MGAT4C: variants seen among roughly 807,000 people sequenced by gnomAD.
The protein encoded by MGAT4C is alpha-1,3-mannosyl-glycoprotein 4-beta-N-acetylglucosaminyltransferase C.
Under a neutral mutation model 40.1 loss-of-function variants are expected in MGAT4C, and 19 were observed. The observed-to-expected ratio is 0.47, with a 90% CI of 0.33 to 0.70. The LOEUF (loss-of-function observed/expected upper bound fraction) is 0.70. MGAT4C is among the 30% of genes least tolerant of loss of function. The probability of loss-of-function intolerance (pLI) is 0.02; values close to 1 mark genes in which losing one functional copy is unlikely to be tolerated. For synonymous variants in MGAT4C, 181 were observed against 187.1 expected (o/e 0.97, Z 0.27); for missense variants, 491 against 563.2 (o/e 0.87, Z 1.30).
At chr12:86,388,405 G>A (rs1956099452) in intron 3 of MGAT4C, among the ~76,000 whole-genome samples, 1 of 152,010 alleles carries the variant, frequency 6.6e-6, no homozygotes, top group Non-Finnish European at 1.5e-5. Context: ...GTTGGAATGA[G>A]AAGTTAGCTC....
rs141018154 is a variant in MGAT4C, at chr12:85,958,599, A to G, written c.*20690T>C. ...ACTAGAAAGCACCAAGTTATTTGTT[A>G]AATAAACAAAGTTAATTTTATCTAC... On this transcript the variant is annotated 3_prime_UTR_variant, in exon 5 of 5. Transcript: ENST00000611864. 3.3e-5 allele frequency: 5 copies of G among 152,282 alleles called. No individual in the cohort carries two copies. The East Asian group carries it at 9.7e-4, about 29-fold the overall frequency. 9.4% of individuals were successfully genotyped at this position (152,282 alleles called of 1,614,324 possible).
At chr12:86,655,555 A>G (rs1963825970) in intron 2 of MGAT4C, among the ~76,000 whole-genome samples, 1 of 152,104 alleles carries the variant, frequency 6.6e-6, no homozygotes, top group African/African-American at 2.4e-5. Context: ...TGAATGCCAT[A>G]TTCAATGAAA....
intron 3 of MGAT4C, among the ~76,000 whole-genome samples, chr12:86,366,835 A>G (rs1955608524): frequency 6.6e-6 from 1 of 152,164 alleles, no homozygotes; most frequent in East Asian, 1.9e-4. Flanking sequence ...GTAGCAGACT[A>G]AAGGAGAAAC....
intron 1 of MGAT4C, among the ~76,000 whole-genome samples, chr12:86,184,760 A>C (rs80162246): frequency 0.076 from 11,404 of 149,720 alleles, 563 homozygotes; most frequent in Middle Eastern, 0.22. Context: ...AAAAAAAAAA[A>C]AAAACTATGG....
At chr12:86,701,835 C>T (rs1030897713) in intron 2 of MGAT4C, among the ~76,000 whole-genome samples, 1 of 152,010 alleles carries the variant, frequency 6.6e-6, no homozygotes, top group Admixed American at 6.6e-5. Context: ...ATAATAAGAA[C>T]ATTAAACAGC....
intron 1 of MGAT4C, among the ~76,000 whole-genome samples, chr12:86,741,566 A>C (rs1011086991): frequency 1.7e-4 from 25 of 151,392 alleles, no homozygotes; most frequent in African/African-American, 4.6e-4. Flanking sequence ...AATGCTTGAA[A>C]ATTGTTTTAT....
chr12:86,634,903 T>A (rs1169253893), intron 2 of MGAT4C, among the ~76,000 whole-genome samples: 3 of 152,178 alleles, frequency 2.0e-5, no homozygotes, highest in Non-Finnish European at 4.4e-5. Context: ...TGTAAACATG[T>A]GACTCATTGG....
At chr12:86,326,495 A>G (rs892757448) in intron 4 of MGAT4C, among the ~76,000 whole-genome samples, 1 of 152,178 alleles carries the variant, frequency 6.6e-6, no homozygotes, top group Non-Finnish European at 1.5e-5. Flanking sequence ...AATGAATTAC[A>G]AAGAGAAATA....
chr12:86,246,116 A>G (rs969068118), intron 1 of MGAT4C, among the ~76,000 whole-genome samples: 7 of 150,404 alleles, frequency 4.7e-5, no homozygotes, highest in Non-Finnish European at 8.9e-5. Flanking sequence ...AATTTCTCCA[A>G]TGTCTTAGAG....
chr12:86,489,122 C>T (rs1050931167), intron 2 of MGAT4C, among the ~76,000 whole-genome samples: 1 of 152,128 alleles, frequency 6.6e-6, no homozygotes, highest in African/African-American at 2.4e-5. Flanking sequence ...AGACCCCAGA[C>T]TCAGCCAGCA....
At chr12:86,770,993 G>A (rs1015338092) in intron 1 of MGAT4C, among the ~76,000 whole-genome samples, 1 of 152,060 alleles carries the variant, frequency 6.6e-6, no homozygotes, top group Non-Finnish European at 1.5e-5. Flanking sequence ...GGTCTTTACA[G>A]AGATCATTAA....
chr12:86,614,365 T>C (rs948845612), intron 2 of MGAT4C, among the ~76,000 whole-genome samples: 1 of 152,174 alleles, frequency 6.6e-6, no homozygotes, highest in African/African-American at 2.4e-5. Context: ...CAGGACATTT[T>C]CAAACTGTGT....
chr12:86,202,412 C>T (rs1361359833), intron 1 of MGAT4C, among the ~76,000 whole-genome samples: 7 of 151,892 alleles, frequency 4.6e-5, no homozygotes, highest in African/African-American at 1.5e-4. Flanking sequence ...AAAGTTAAAC[C>T]AATCCTGCAT....
intron 2 of MGAT4C, among the ~76,000 whole-genome samples, chr12:86,679,239 T>C (rs892637252): frequency 1.3e-5 from 2 of 152,198 alleles, no homozygotes; most frequent in African/African-American, 4.8e-5. Flanking sequence ...TTTTGAGAAG[T>C]GTCTGTTCAT....
chr12:86,526,981 G>A (rs960508366), intron 2 of MGAT4C, among the ~76,000 whole-genome samples: 4 of 152,170 alleles, frequency 2.6e-5, no homozygotes, highest in Admixed American at 2.6e-4. Context: ...CCAGTGTGTG[G>A]TAGCCCTGTG....
intron 2 of MGAT4C, among the ~76,000 whole-genome samples, chr12:86,439,316 C>A (rs1054950389): frequency 9.9e-5 from 15 of 151,716 alleles, no homozygotes; most frequent in Non-Finnish European, 2.1e-4. Flanking sequence ...AATTAATTCC[C>A]AAAGGAATCC....
At chr12:86,024,835 A>T (rs1436102153) in intron 2 of MGAT4C, among the ~76,000 whole-genome samples, 2 of 151,820 alleles carry the variant, frequency 1.3e-5, no homozygotes, top group African/African-American at 4.8e-5. Flanking sequence ...TTAACATTTT[A>T]AAAATGCATT....
At chr12:86,037,329 T>C (rs1891335752) in intron 2 of MGAT4C, among the ~76,000 whole-genome samples, 1 of 150,088 alleles carries the variant, frequency 6.7e-6, no homozygotes. Context: ...TGCCTTCTGC[T>C]AGCTTTTGAA....
intron 1 of MGAT4C, among the ~76,000 whole-genome samples, chr12:86,171,607 T>C (rs1593137123): frequency 6.6e-6 from 1 of 152,174 alleles, no homozygotes; most frequent in Non-Finnish European, 1.5e-5. Flanking sequence ...TGATGTTCAA[T>C]AGCTATTGAT....
Sources: gnomAD v4.1 joint callset for allele counts (sites outside exome capture counted in the v4.1 genomes callset) on GRCh38, gnomAD v4.1.1 for gene constraint, MANE v1.5 for transcripts, NCBI Gene and HGNC (gene_info 2026-07-23, HGNC 2026-07-21) for gene names.